Variants in CTNNAL1 observed in about 807,000 individuals in gnomAD.
CTNNAL1 encodes alpha-catulin.
A neutral mutation model predicts 93.6 loss-of-function variants in CTNNAL1; 69 were observed. The observed-to-expected ratio is 0.74, with a 90% confidence interval of 0.61 to 0.90. CTNNAL1 has a LOEUF of 0.90. CTNNAL1 is among the 40% of genes least tolerant of loss of function. CTNNAL1 has a pLI of 0.00. For synonymous variants in CTNNAL1, 286 were observed against 305.4 expected (o/e 0.94, Z 0.66); for missense variants, 836 against 862.0 (o/e 0.97, Z 0.38).
chr9:108,998,998 A>G, intron 2 of CTNNAL1, 69 bp downstream of exon 2: 1 of 1,486,354 alleles, frequency 6.7e-7, no homozygotes, highest in Non-Finnish European at 9.0e-7. Flanking sequence ...CAAATAAATC[A>G]ATAATTTTTC....
intron 15 of CTNNAL1, among the ~76,000 whole-genome samples, chr9:108,945,005 G>A (rs1178577598): frequency 1.3e-5 from 2 of 152,138 alleles, no homozygotes; most frequent in Non-Finnish European, 1.5e-5. Context: ...ATCACTTCAT[G>A]TTACCACTTT....
Position 108,970,402 on chromosome 9 carries a change from C to G in CTNNAL1, c.1440G>C (p.Gln480His). ...AAGGAGCAATCTGCTATTATCATACCTGTTGGCCAGTCACCTGAAATGTCT... is the reference window on the plus strand; with the variant it reads ...AAGGAGCAATCTGCTATTATCATACGTGTTGGCCAGTCACCTGAAATGTCT... ...AEETFQVTGQ[Q>H]IISAAETLTL... Residue 480 changes from glutamine to histidine, a missense_variant and splice_region_variant, in exon 10 of 19, where the codon CAG (glutamine) becomes CAC (histidine). Physicochemically the swap from Gln to His is conservative, Grantham distance 24 (BLOSUM62 0). Coordinates refer to ENST00000325551, the MANE Select transcript of CTNNAL1 (RefSeq NM_003798.4). 8 of 1,610,138 alleles carry G rather than the reference C, an allele frequency of 5.0e-6. No individual in the cohort carries two copies. Among genetic ancestry groups the G allele is most frequent in the Non-Finnish European group, 6.8e-6 (8 of 1,178,432 alleles).
chr9:108,964,794 G>C (rs1437712648), intron 11 of CTNNAL1, among the ~76,000 whole-genome samples: 1 of 151,952 alleles, frequency 6.6e-6, no homozygotes, highest in Non-Finnish European at 1.5e-5. Context: ...TATTTCAATA[G>C]GAAAACTAGG....
chr9:108,983,340 T>C lies in CTNNAL1; in HGVS notation c.730-25A>G. 3 of 1,448,310 alleles carry C rather than the reference T, an allele frequency of 2.1e-6. No homozygotes were observed. In the Admixed American group the frequency reaches 7.7e-5, roughly 37 times the overall value. 89.7% of individuals were successfully genotyped at this position (1,448,310 alleles called of 1,614,324 possible). On this transcript the variant is annotated intron_variant, in intron 5 of 18. Coordinates refer to ENST00000325551, the MANE Select transcript of CTNNAL1 (RefSeq NM_003798.4). ...TCTTCAAAACAATTGAAAATTTTTA[T>C]TTTAATATTTGATTTATGTCATAAT...
intron 2 of CTNNAL1, among the ~76,000 whole-genome samples, chr9:108,993,262 T>G (rs1372396833): frequency 2.0e-5 from 3 of 152,186 alleles, no homozygotes; most frequent in Non-Finnish European, 4.4e-5. Flanking sequence ...TGAACGGCCT[T>G]GGGTTTTCAC....
At chr9:109,009,165 G>A (rs1413279989) in intron 1 of CTNNAL1, among the ~76,000 whole-genome samples, 1 of 151,812 alleles carries the variant, frequency 6.6e-6, no homozygotes, top group Non-Finnish European at 1.5e-5. Flanking sequence ...CAAAGAGCTG[G>A]GACTACAGGT....
chr9:108,966,897 A>C (rs979734512), intron 10 of CTNNAL1, among the ~76,000 whole-genome samples: 11 of 152,198 alleles, frequency 7.2e-5, no homozygotes, highest in Non-Finnish European at 1.5e-4. Flanking sequence ...CTACCTCAAA[A>C]TAGAAGCCAT....
Position 108,972,662 on chromosome 9 carries a change from CT to C in CTNNAL1, c.1347+12del. On this transcript the variant is annotated intron_variant, in intron 9 of 18. Coordinates refer to ENST00000325551, the MANE Select transcript of CTNNAL1 (RefSeq NM_003798.4). ...TATTAAACTACAATTTCTTTAGCAC[CT>C]TGTTTACTCACCTCAACAAGCTGCT... is the stretch of plus-strand genomic sequence containing the variant. 6.2e-7 allele frequency: 1 copy of C among 1,601,244 alleles called. No individual in the cohort carries two copies. Among genetic ancestry groups the C allele is most frequent in the Non-Finnish European group, 8.5e-7 (1 of 1,175,212 alleles).
intron 15 of CTNNAL1, among the ~76,000 whole-genome samples, chr9:108,947,315 G>A (rs996834487): frequency 2.0e-5 from 3 of 152,012 alleles, no homozygotes; most frequent in Non-Finnish European, 2.9e-5. Flanking sequence ...GGGTTCCACC[G>A]TGTTAGCCAA....
intron 6 of CTNNAL1, among the ~76,000 whole-genome samples, chr9:108,982,347 A>C (rs10979637): frequency 0.072 from 10,893 of 152,298 alleles, 482 homozygotes; most frequent in Admixed American, 0.13. Context: ...CTGGCACAGA[A>C]TAAGGACTCA....
At chr9:108,958,559 G>A (rs1222291186) in intron 11 of CTNNAL1, among the ~76,000 whole-genome samples, 3 of 151,942 alleles carry the variant, frequency 2.0e-5, no homozygotes, top group African/African-American at 7.3e-5. Context: ...TTTCAGATAG[G>A]CCTCCTCCAC....
chr9:108,979,348 C>T lies in CTNNAL1; in HGVS notation c.1034G>A (p.Arg345His), dbSNP rs747944532. Residue 345 changes from arginine (R) to histidine (H), a missense_variant, in exon 7 of 19, where the codon CGC becomes CAC. Arg to His is a conservative substitution (Grantham distance 29). Transcript: ENST00000325551. ...CGCCTGAGTTGACAGTTCCAAGATG[C>T]GTTCTCTGTGCTCATGGCTGGTGTA... is the stretch of plus-strand genomic sequence containing the variant. Reference protein sequence around the residue: ...SAYTSHEHRERILELSTQARM... With the variant: ...SAYTSHEHREHILELSTQARM... The T allele has an allele frequency of 2.4e-5, 38 of 1,614,020 alleles. No individual in the cohort carries two copies. The highest frequency in any genetic ancestry group is 5.0e-5 in the Admixed American group (3 of 60,010).
chr9:108,981,277 C>A (rs1831419669), intron 6 of CTNNAL1, among the ~76,000 whole-genome samples: 1 of 152,214 alleles, frequency 6.6e-6, no homozygotes, highest in African/African-American at 2.4e-5. Context: ...TCTCTAAGAT[C>A]TCTTTCAGCA....
chr9:109,008,450 A>G (rs943108160), intron 1 of CTNNAL1, among the ~76,000 whole-genome samples: 2 of 152,086 alleles, frequency 1.3e-5, no homozygotes, highest in Non-Finnish European at 2.9e-5. Context: ...CCCAGCCCCA[A>G]TCCACTTTTC....
At chr9:108,958,063 C>CAAAAAAAAAAAAAAAAAAA in intron 11 of CTNNAL1, among the ~76,000 whole-genome samples, 1 of 85,114 alleles carries the variant, frequency 1.2e-5, no homozygotes, top group Non-Finnish European at 2.2e-5. Context: ...AAGACTGTCT[C>CAAAAAAAAAAAAAAAAAAA]AAAAAAAAAA....
intron 4 of CTNNAL1, among the ~76,000 whole-genome samples, chr9:108,990,333 G>A (rs184633829): frequency 2.2e-4 from 33 of 152,138 alleles, no homozygotes; most frequent in African/African-American, 6.7e-4. Context: ...AATCTAATAC[G>A]GTAAGAATAA....
intron 10 of CTNNAL1, among the ~76,000 whole-genome samples, chr9:108,966,181 C>A (rs1479100564): frequency 6.6e-6 from 1 of 152,202 alleles, no homozygotes; most frequent in Non-Finnish European, 1.5e-5. Context: ...AAACTCAGAT[C>A]TACCTGATCC....
chr9:109,009,225 T>C (rs192562308), intron 1 of CTNNAL1, among the ~76,000 whole-genome samples: 38 of 152,176 alleles, frequency 2.5e-4, no homozygotes, highest in African/African-American at 9.2e-4. Context: ...AAGTCGAATT[T>C]ATCCATTTTT....
In CTNNAL1 at chr9:108,992,688, C is replaced by G. The variant is rs1831857277; in HGVS notation, c.463G>C (p.Val155Leu). 1.9e-6 allele frequency: 3 copies of G among 1,613,874 alleles called. No homozygotes were observed. The highest frequency in any genetic ancestry group is 2.5e-6 in the Non-Finnish European group (3 of 1,179,966). The change falls in exon 3 of 19, where the codon GTG (valine) becomes CTG (leucine). Residue 155 changes from valine (V) to leucine (L), a missense_variant. Physicochemically the swap from Val to Leu is conservative, Grantham distance 32 (BLOSUM62 1). Transcript: ENST00000325551. ...ACTACTCGGTCTGCCAGCAACAACA[C>G]TTTTGTCACTGAAGAAAGAAGTAAT... ...ARLLLSSVTK[V>L]LLLADRVVIK...
Sources: gnomAD v4.1 joint callset for allele counts (sites outside exome capture counted in the v4.1 genomes callset) on GRCh38, gnomAD v4.1.1 for gene constraint, MANE v1.5 for transcripts, NCBI Gene and HGNC (gene_info 2026-07-23, HGNC 2026-07-21) for gene names.